The following SLC22A5 variants were observed in gnomAD, a reference collection of about 807,000 sequenced individuals.
The protein encoded by SLC22A5 is solute carrier family 22 member 5.
SLC22A5 carries 44 observed loss-of-function variants against 56.7 expected under a neutral mutation model. The observed-to-expected ratio is 0.78, with a 90% CI of 0.61 to 1.00. SLC22A5 has a LOEUF of 1.00. Ranked by LOEUF, SLC22A5 falls within the 50% of genes least tolerant of loss-of-function variation. The pLI is 0.00. For synonymous variants in SLC22A5, 278 were observed against 292.1 expected, an observed-to-expected ratio of 0.95 and a Z score of 0.49; for missense variants, 675 against 723.0, an observed-to-expected ratio of 0.93 and a Z score of 0.76.
chr5:132,386,737 G>T (rs935652094), intron 4 of SLC22A5, among the ~76,000 whole-genome samples: 1 of 152,202 alleles, frequency 6.6e-6, no homozygotes, highest in Non-Finnish European at 1.5e-5. Flanking sequence ...CCTCAGCCCA[G>T]CAGATGGCAA....
intron 2 of SLC22A5, chr5:132,382,998 T>C (rs1443159185): frequency 6.6e-6 from 1 of 152,162 alleles, no homozygotes; most frequent in Admixed American, 6.5e-5. Flanking sequence ...ATAAACCCAA[T>C]TTTAAAAACT....
intron 2 of SLC22A5, chr5:132,380,699 C>T (rs1752318271): frequency 6.6e-6 from 1 of 152,120 alleles, no homozygotes; most frequent in Non-Finnish European, 1.5e-5. Context: ...GTACACTTCT[C>T]TAAGACAGAG....
intron 5 of SLC22A5, among the ~76,000 whole-genome samples, chr5:132,388,093 C>G (rs1752592865): frequency 2.0e-5 from 3 of 152,200 alleles, no homozygotes; most frequent in South Asian, 4.1e-4. Flanking sequence ...CAGCCACTGT[C>G]AGCATGCACC....
intron 1 of SLC22A5, chr5:132,378,155 A>G: frequency 6.4e-7 from 1 of 1,567,618 alleles, no homozygotes; most frequent in Middle Eastern, 1.7e-4. Context: ...CTCCTCCTCA[A>G]AATGGAAGCA....
chr5:132,371,611 T>G (rs547201276), intron 1 of SLC22A5, among the ~76,000 whole-genome samples: 31 of 152,254 alleles, frequency 2.0e-4, no homozygotes, highest in African/African-American at 7.5e-4. Flanking sequence ...ATAGCCCTCA[T>G]TGATAGATAG....
chr5:132,378,523 TG>T, intron 2 of SLC22A5, 42 bp downstream of exon 2: 2 of 1,423,578 alleles, frequency 1.4e-6, no homozygotes, highest in South Asian at 2.3e-5. Flanking sequence ...ACCTCAGCAC[TG>T]AGGAAGAAGC....
Position 132,370,953 on chromosome 5 carries a change from C to CTTTTTTT in SLC22A5, c.393+594_393+600dup, listed in dbSNP as rs750736082. 1.5e-4 allele frequency among the ~76,000 whole-genome samples: 20 copies of CTTTTTTT among 133,784 alleles called. 3 individuals carry two copies. Among genetic ancestry groups the CTTTTTTT allele is most frequent in the African/African-American group, 2.4e-4 (9 of 36,856 alleles). 87.8% of individuals were successfully genotyped at this position (133,784 alleles called of 152,430 possible). Reference sequence around the variant, plus strand: ...CCTTTTCCCATGGTCAGTTGTCAGTCTTTTTTTTTTTTGAGACAGAGTCTC... The same window carrying CTTTTTTT: ...CCTTTTCCCATGGTCAGTTGTCAGTCTTTTTTTTTTTTTTTTTTTGAGACAGAGTCTC... On this transcript the variant is annotated intron_variant, in intron 1 of 9. Transcript: ENST00000245407.
chr5:132,374,745 G>C (rs1752072644), intron 1 of SLC22A5, among the ~76,000 whole-genome samples: 1 of 144,344 alleles, frequency 6.9e-6, no homozygotes, highest in African/African-American at 2.6e-5. Flanking sequence ...CACAAAGCAG[G>C]GGGTCAGGGA....
At position 132,394,540 on chromosome 5, in the gene SLC22A5, CA is replaced by C. The variant is rs1421329775; in HGVS notation, c.*269del. On this transcript the variant is annotated 3_prime_UTR_variant, in exon 10 of 10. Coordinates refer to ENST00000245407, the MANE Select transcript of SLC22A5 (RefSeq NM_003060.4). Reference sequence around the variant, plus strand: ...AATGATGGACTCAGCACCTCCAAAGCAGTTAATTTTTCACTAGAACCAGTGA... The same window carrying C: ...AATGATGGACTCAGCACCTCCAAAGCGTTAATTTTTCACTAGAACCAGTGA... The C allele has an allele frequency of 3.9e-6, 2 of 516,534 alleles. No homozygotes were observed. Among genetic ancestry groups the C allele is most frequent in the South Asian group, 2.4e-5 (1 of 42,274 alleles). The allele number at this position is 516,534 out of a possible 1,614,324, so 32.0% of individuals were successfully genotyped here. A position where few individuals can be genotyped will look rare whatever the true frequency, so the allele number is the denominator to read the frequency against.
Position 132,395,080 on chromosome 5 carries a change from T to C in SLC22A5, c.*808T>C, listed in dbSNP as rs1323365534. 6.6e-6 allele frequency: 1 copy of C among 152,372 alleles called. No individual in the cohort carries two copies. Among genetic ancestry groups the C allele is most frequent in the Non-Finnish European group, 1.5e-5 (1 of 68,042 alleles). The allele number at this position is 152,372 out of a possible 1,614,324, so 9.4% of individuals were successfully genotyped here. ...GGTGAGAGAGATGAGCAACGTTGTC[T>C]TTTCTCTCAAAGCTGTAATGTGGGT... On this transcript the variant is annotated 3_prime_UTR_variant, in exon 10 of 10. Coordinates refer to ENST00000245407, the MANE Select transcript of SLC22A5 (RefSeq NM_003060.4).
intron 1 of SLC22A5, 91 bp downstream of exon 1, chr5:132,370,456 T>A: frequency 7.2e-7 from 1 of 1,381,838 alleles, no homozygotes; most frequent in Non-Finnish European, 1.0e-6. Flanking sequence ...AGATGCGCAC[T>A]GGACGCTGTC....
Position 132,394,214 on chromosome 5 carries a change from C to T in SLC22A5, c.1616C>T (p.Thr539Ile). 1 of 1,613,528 alleles carries T rather than the reference C, an allele frequency of 6.2e-7. No individual in the cohort carries two copies. The highest frequency in any genetic ancestry group is 2.2e-5 in the East Asian group (1 of 44,888). Residue 539 changes from threonine (T) to isoleucine (I), a missense_variant, in exon 10 of 10, where the codon ACA becomes ATA. Physicochemically the swap from Thr to Ile is moderately conservative, Grantham distance 89. Coordinates refer to ENST00000245407, the MANE Select transcript of SLC22A5 (RefSeq NM_003060.4). ...GMKHRKTPSH[T>I]RMLKDGQERP... ...AAACACAGAAAAACTCCAAGTCACA[C>T]AAGGATGTTAAAAGATGGTCAAGAA...
At chr5:132,378,588 T>C in intron 2 of SLC22A5, 107 bp downstream of exon 2, 1 of 852,700 alleles carries the variant, frequency 1.2e-6, no homozygotes. Flanking sequence ...CAGGGCCCTG[T>C]ATTTTAAAGA....
At chr5:132,392,808 C>T (rs189287578) in intron 8 of SLC22A5, among the ~76,000 whole-genome samples, 193 bp downstream of exon 8, 9 of 152,338 alleles carry the variant, frequency 5.9e-5, no homozygotes, top group Admixed American at 1.3e-4. Flanking sequence ...TGGAAAACAA[C>T]CTATAGATTA....
At position 132,385,460 on chromosome 5, in the gene SLC22A5, C is replaced by T. The variant is rs752989096; in HGVS notation, c.785C>T (p.Ala262Val). The T allele has an allele frequency of 4.3e-6, 7 of 1,614,130 alleles. No individual in the cohort carries two copies. Among genetic ancestry groups the T allele is most frequent in the South Asian group, 3.3e-5 (3 of 91,078 alleles). ...CGAGACTGGCGGATGCTGCTGGTGG[C>T]GCTGACGATGCCGGGGGTGCTATGC... is the stretch of plus-strand genomic sequence containing the variant. ...FIRDWRMLLVALTMPGVLCVA... is the reference protein window; with the variant it reads ...FIRDWRMLLVVLTMPGVLCVA... The change falls in exon 4 of 10, where the codon GCG (alanine) becomes GTG (valine). Residue 262 changes from alanine (A) to valine (V), a missense_variant. Ala to Val is a moderately conservative substitution (Grantham distance 64). Coordinates refer to ENST00000245407, the MANE Select transcript of SLC22A5 (RefSeq NM_003060.4).
In SLC22A5 at chr5:132,375,586, G is replaced by A. The variant is rs574525479; in HGVS notation, c.394-2792G>A. On this transcript the variant is annotated intron_variant, in intron 1 of 9. Transcript: ENST00000245407. ...TGAAAAAGCAGTGCCAATTATGTAT[G>A]AGGTATAGGAGACACAATTCTCCCT... Among the ~76,000 whole-genome samples the A allele has an allele frequency of 3.3e-4, 50 of 152,308 alleles. 1 individual carries two copies. The highest frequency in any genetic ancestry group is 2.0e-3 in the Admixed American group (31 of 15,294).
In SLC22A5 at chr5:132,378,336, TA is replaced by T. The variant is rs1248719579; in HGVS notation, c.394-37del. ...AGGATGCCTTTGCTTTAAAACCTTT[TA>T]AAAAGAAGTGAATGATACACCCCCT... On this transcript the variant is annotated intron_variant, in intron 1 of 9. Transcript: ENST00000245407. The T allele has an allele frequency of 1.9e-6, 3 of 1,611,704 alleles. No homozygotes were observed. The African/African-American group carries it at 4.0e-5, about 22-fold the overall frequency.
At chr5:132,372,640 C>T (rs73787194) in intron 1 of SLC22A5, among the ~76,000 whole-genome samples, 1,797 of 152,292 alleles carry the variant, frequency 0.012, 38 homozygotes, top group African/African-American at 0.041. Flanking sequence ...GTTATGTGCC[C>T]TTTCACCTAC....
chr5:132,386,905 C>T, intron 4 of SLC22A5, 120 bp from the exon 5 acceptor site: 1 of 1,094,652 alleles, frequency 9.1e-7, no homozygotes, highest in Non-Finnish European at 1.4e-6. Context: ...CTTGTGATCA[C>T]CAAACATTCC....
Sources: gnomAD v4.1 joint callset for allele counts (sites outside exome capture counted in the v4.1 genomes callset) on GRCh38, gnomAD v4.1.1 for gene constraint, MANE v1.5 for transcripts, NCBI Gene and HGNC (gene_info 2026-07-23, HGNC 2026-07-21) for gene names.